Variants in SCEL observed in about 807,000 individuals in gnomAD.
The protein encoded by SCEL is sciellin.
SCEL carries 113 observed loss-of-function variants against 117.6 expected under a neutral mutation model. The ratio of observed to expected loss-of-function variants is 0.96; its 90% CI spans 0.83 to 1.12. The LOEUF (loss-of-function observed/expected upper bound fraction) is 1.12, where lower values mean the gene tolerates loss of function less well. Among genes scored for constraint, SCEL ranks in the 50% most tolerant of loss-of-function variants. SCEL has a pLI of 0.00. For missense variants in SCEL, 785 were observed against 810.8 expected, an observed-to-expected ratio of 0.97 and a Z score of 0.39; for synonymous variants, 270 against 256.2, an observed-to-expected ratio of 1.05 and a Z score of -0.51.
At chr13:77,644,172 C>G in intron 32 of SCEL, 86 bp from the exon 33 acceptor site, 2 of 1,421,718 alleles carry the variant, frequency 1.4e-6, no homozygotes, top group Non-Finnish European at 2.0e-6. Context: ...CTACCACTAC[C>G]CGTTGGGTGA....
chr13:77,627,516 T>C (rs916617630), intron 27 of SCEL, among the ~76,000 whole-genome samples: 5 of 152,158 alleles, frequency 3.3e-5, no homozygotes, highest in African/African-American at 1.2e-4. Flanking sequence ...ATTGAATAAG[T>C]CTAGCATAAA....
intron 5 of SCEL, among the ~76,000 whole-genome samples, chr13:77,565,864 G>A (rs1448938206): frequency 6.6e-6 from 1 of 152,208 alleles, no homozygotes. Context: ...AGGCCCTCTA[G>A]TGCTCCATTG....
rs1309594355 is a variant in SCEL, at chr13:77,562,025, A to G, written c.222-1806A>G. On this transcript the variant is annotated intron_variant, in intron 4 of 32. Transcript: ENST00000349847. ...TTATCCACAATTGGAAAGTTTGACC[A>G]TGTACATGTTCTGGTAGATCATTTA... Among the ~76,000 whole-genome samples the G allele has an allele frequency of 4.6e-5, 7 of 152,210 alleles. 1 individual carries two copies. Among genetic ancestry groups the G allele is most frequent in the Admixed American group, 1.3e-4 (2 of 15,278 alleles).
At chr13:77,600,707 C>T (rs1167736345) in intron 15 of SCEL, among the ~76,000 whole-genome samples, 1 of 151,808 alleles carries the variant, frequency 6.6e-6, no homozygotes, top group Non-Finnish European at 1.5e-5. Flanking sequence ...AAGCCGTGAC[C>T]ATTTCACTAG....
At chr13:77,642,073 A>G (rs543574865) in intron 31 of SCEL, among the ~76,000 whole-genome samples, 30 of 152,312 alleles carry the variant, frequency 2.0e-4, no homozygotes, top group African/African-American at 6.0e-4. Context: ...ATTTTCATTT[A>G]TTACATTTTA....
Position 77,608,101 on chromosome 13 carries a change from G to C in SCEL, c.1203G>C (p.Lys401Asn), listed in dbSNP as rs760241813. ...TCATCAAAGTGACCCCTGAAGTAAA[G>C]AGAAGTAACCAAGGGTGAGGACTAT... The part of the protein sequence containing the change: ...DNLIKVTPEV[K>N]RSNQGSKDLN... Residue 401 changes from lysine to asparagine, a missense_variant, in exon 20 of 33, where the codon AAG becomes AAC. By Grantham distance (94) the Lys-to-Asn change is moderately conservative (BLOSUM62 0). Transcript: ENST00000349847. 1.2e-6 allele frequency: 2 copies of C among 1,612,830 alleles called. No homozygotes were observed. The highest frequency in any genetic ancestry group is 1.3e-5 in the African/African-American group (1 of 74,904).
At chr13:77,627,534 T>C (rs1034272963) in intron 27 of SCEL, among the ~76,000 whole-genome samples, 2 of 152,130 alleles carry the variant, frequency 1.3e-5, no homozygotes, top group Non-Finnish European at 2.9e-5. Flanking sequence ...AAAGAAAAGA[T>C]AAACATTTAA....
In SCEL at chr13:77,568,399, C is replaced by A. The variant is rs903808452; in HGVS notation, c.398+66C>A. ...ATTCAAGAAAAACCAGGGAAAACCA[C>A]CTCAGGCCAATTTTATTGGAATACA... is the stretch of plus-strand genomic sequence containing the variant. On this transcript the variant is annotated intron_variant, in intron 7 of 32. Transcript: ENST00000349847. 1.4e-5 allele frequency: 14 copies of A among 971,642 alleles called. No homozygotes were observed. The Admixed American group carries it at 2.1e-4, about 15-fold the overall frequency. 60.2% of individuals were successfully genotyped at this position (971,642 alleles called of 1,614,324 possible).
intron 1 of SCEL, among the ~76,000 whole-genome samples, chr13:77,555,121 T>C (rs983001445): frequency 1.3e-5 from 2 of 152,144 alleles, no homozygotes; most frequent in East Asian, 1.9e-4. Flanking sequence ...TAAATTTGTG[T>C]GTGTGTGTAT....
chr13:77,614,032 C>T (rs569928230), intron 24 of SCEL, 77 bp downstream of exon 24: 3 of 1,170,518 alleles, frequency 2.6e-6, no homozygotes, highest in Admixed American at 1.8e-5. Flanking sequence ...TAGAATTATT[C>T]TATGGGCAAA....
intron 20 of SCEL, among the ~76,000 whole-genome samples, chr13:77,608,740 A>C (rs9544551): frequency 0.2 from 30,845 of 152,174 alleles, 3,841 homozygotes; most frequent in African/African-American, 0.35. Context: ...CTATAGCATT[A>C]GATGGAATGC....
At chr13:77,551,171 G>A (rs984180094) in intron 1 of SCEL, among the ~76,000 whole-genome samples, 9 of 152,138 alleles carry the variant, frequency 5.9e-5, no homozygotes, top group South Asian at 2.1e-4. Flanking sequence ...TCTGAGCTCC[G>A]GTAGTCTCAT....
At chr13:77,639,424 T>C (rs1310491485) in intron 30 of SCEL, among the ~76,000 whole-genome samples, 1 of 152,208 alleles carries the variant, frequency 6.6e-6, no homozygotes, top group Non-Finnish European at 1.5e-5. Flanking sequence ...TCTACTATAA[T>C]GCCTTTCTTC....
Position 77,599,712 on chromosome 13 carries a change from T to C in SCEL, c.881T>C (p.Ile294Thr), listed in dbSNP as rs201126612. The C allele has an allele frequency of 2.4e-5, 39 of 1,612,362 alleles. No homozygotes were observed. The highest frequency in any genetic ancestry group is 2.9e-5 in the Non-Finnish European group (34 of 1,178,484). ...AGAGCCAAAAGCCTTGAAAGTCTCA[T>C]CTATATGAGTACCCGGACAGATAAA... is the stretch of plus-strand genomic sequence containing the variant. Reference protein sequence around the residue: ...EKRAKSLESLIYMSTRTDKDG... With the variant: ...EKRAKSLESLTYMSTRTDKDG... The change falls in exon 15 of 33, where the codon ATC (isoleucine) becomes ACC (threonine). Residue 294 changes from isoleucine (I) to threonine (T), a missense_variant. Physicochemically the swap from Ile to Thr is moderately conservative, Grantham distance 89. Coordinates refer to ENST00000349847, the MANE Select transcript of SCEL (RefSeq NM_144777.3).
intron 9 of SCEL, among the ~76,000 whole-genome samples, chr13:77,588,713 A>C (rs1176899171): frequency 6.6e-6 from 1 of 152,180 alleles, no homozygotes; most frequent in East Asian, 1.9e-4. Context: ...AGGTCTCTGA[A>C]ATTAAAGCCT....
At chr13:77,578,431 G>C (rs1295225324) in intron 9 of SCEL, among the ~76,000 whole-genome samples, 4 of 152,114 alleles carry the variant, frequency 2.6e-5, no homozygotes, top group Non-Finnish European at 5.9e-5. Context: ...TCCCAGAGCA[G>C]AGAACTCTGA....
At chr13:77,632,316 T>A (rs1413156769) in intron 28 of SCEL, among the ~76,000 whole-genome samples, 1 of 152,258 alleles carries the variant, frequency 6.6e-6, no homozygotes, top group Non-Finnish European at 1.5e-5. Context: ...AACTCACTGA[T>A]AATCTTTGTC....
At chr13:77,622,538 TA>T (rs1373324901) in intron 27 of SCEL, among the ~76,000 whole-genome samples, 1 of 152,180 alleles carries the variant, frequency 6.6e-6, no homozygotes, top group African/African-American at 2.4e-5. Flanking sequence ...AGCTCATAGA[TA>T]ACTCACATTT....
At chr13:77,588,518 C>T (rs1408210728) in intron 9 of SCEL, among the ~76,000 whole-genome samples, 1 of 152,122 alleles carries the variant, frequency 6.6e-6, no homozygotes, top group African/African-American at 2.4e-5. Context: ...CCAAAATGTG[C>T]ACATAATTGC....
Sources: gnomAD v4.1 joint callset for allele counts (sites outside exome capture counted in the v4.1 genomes callset) on GRCh38, gnomAD v4.1.1 for gene constraint, MANE v1.5 for transcripts, NCBI Gene and HGNC (gene_info 2026-07-23, HGNC 2026-07-21) for gene names.